Variants in ARHGEF37 observed in about 807,000 individuals in gnomAD.
ARHGEF37 encodes Rho guanine nucleotide exchange factor 37, also known as Rho guanine nucleotide exchange factor (GEF) 37.
Under a neutral mutation model 71.1 loss-of-function variants are expected in ARHGEF37, and 55 were observed. That is an observed-to-expected ratio of 0.77 (90% CI 0.62 to 0.97). ARHGEF37 has a LOEUF of 0.97. ARHGEF37 is among the 50% of genes least tolerant of loss of function. ARHGEF37 has a pLI of 0.00. For synonymous variants in ARHGEF37, 327 were observed against 350.6 expected (o/e 0.93, Z 0.75); for missense variants, 765 against 836.8 (o/e 0.91, Z 1.06).
In ARHGEF37 at chr5:149,619,009, G is replaced by A. The variant is rs751293426; in HGVS notation, c.861G>A (p.Lys287=). 1 of 1,614,210 alleles carries A rather than the reference G, an allele frequency of 6.2e-7. No individual in the cohort carries two copies. The highest frequency in any genetic ancestry group is 1.1e-5 in the South Asian group (1 of 91,088). The change falls in exon 7 of 13, where the codon AAG becomes AAA. Residue 287 remains lysine (K), a synonymous_variant. Coordinates refer to ENST00000333677, the MANE Select transcript of ARHGEF37 (RefSeq NM_001001669.3). Reference sequence around the variant, plus strand: ...TGTCTCTGTGTGTGACTGAGCTGAAGAACAACGTGGCTGCTTACCTGGACA... The same window carrying A: ...TGTCTCTGTGTGTGACTGAGCTGAAAAACAACGTGGCTGCTTACCTGGACA... The part of the protein sequence containing the change: ...QWVSLCVTEL[K]NNVAAYLDNL...
chr5:149,593,910 G>A (rs1233066609), intron 1 of ARHGEF37, among the ~76,000 whole-genome samples: 1 of 152,124 alleles, frequency 6.6e-6, no homozygotes, highest in Non-Finnish European at 1.5e-5. Context: ...AACCCATGCT[G>A]TTCAAGGGTC....
chr5:149,590,214 C>T (rs1417545022), intron 1 of ARHGEF37, among the ~76,000 whole-genome samples: 2 of 151,896 alleles, frequency 1.3e-5, no homozygotes, highest in African/African-American at 4.8e-5. Context: ...AGAATTAACT[C>T]AGTTTTATTC....
chr5:149,589,126 G>A (rs1763322824), intron 1 of ARHGEF37, among the ~76,000 whole-genome samples: 1 of 151,998 alleles, frequency 6.6e-6, no homozygotes, highest in African/African-American at 2.4e-5. Flanking sequence ...CTATGTGGGA[G>A]GATTGCTTGA....
At chr5:149,563,813 T>C (rs868230794) in intron 1 of ARHGEF37, among the ~76,000 whole-genome samples, 2 of 152,162 alleles carry the variant, frequency 1.3e-5, no homozygotes, top group Admixed American at 1.3e-4. Flanking sequence ...AGATGTGTCA[T>C]AGGAAACAGA....
At chr5:149,622,687 C>T (rs747504324) in intron 9 of ARHGEF37, among the ~76,000 whole-genome samples, 2 of 152,222 alleles carry the variant, frequency 1.3e-5, no homozygotes, top group Non-Finnish European at 2.9e-5. Flanking sequence ...AACCACAACA[C>T]TCAAGAGCCT....
At chr5:149,584,849 T>C (rs1763191422) in intron 1 of ARHGEF37, among the ~76,000 whole-genome samples, 1 of 152,186 alleles carries the variant, frequency 6.6e-6, no homozygotes, top group Non-Finnish European at 1.5e-5. Context: ...CTTGAACTCC[T>C]GAGCTCAGAT....
chr5:149,618,872 AACACTGAAGCCGGTGT>A lies in ARHGEF37; in HGVS notation c.790-59_790-44del. ...AAAGGTTGTCCCAGTGAGGACCTGG[AACACTGAAGCCGGTGT>A]ACACTGCCCCCATGTGGATATTCTC... On this transcript the variant is annotated intron_variant, in intron 6 of 12. Coordinates refer to ENST00000333677, the MANE Select transcript of ARHGEF37 (RefSeq NM_001001669.3). The A allele has an allele frequency of 2.3e-6, 3 of 1,327,410 alleles. No individual in the cohort carries two copies. In the South Asian group the frequency reaches 3.6e-5, roughly 16 times the overall value. 82.2% of individuals were successfully genotyped at this position (1,327,410 alleles called of 1,614,324 possible).
rs9324624 is a variant in ARHGEF37, at chr5:149,627,077, C to T, written c.1466C>T (p.Pro489Leu). ...EKVQPPPTTQ[P>L]LLPGSERQVQ... ...CTGTCTGTGCTCCTCCTCTCCCAGCCGCTCCTTCCAGGGTCTGAACGCCAG... is the reference window on the plus strand; with the variant it reads ...CTGTCTGTGCTCCTCCTCTCCCAGCTGCTCCTTCCAGGGTCTGAACGCCAG... The change falls in exon 11 of 13, where the codon CCG becomes CTG. Residue 489 changes from proline to leucine, a missense_variant and splice_region_variant. By Grantham distance (98) the Pro-to-Leu change is moderately conservative. This residue lies in a region of ARHGEF37 where 390 missense variants were observed against 407.4 expected (regional missense o/e 0.96). Coordinates refer to ENST00000333677, the MANE Select transcript of ARHGEF37 (RefSeq NM_001001669.3). 729,895 of 1,608,280 alleles carry T rather than the reference C, an allele frequency of 0.45. 169,919 individuals carry two copies. The highest frequency in any genetic ancestry group is 0.48 in the African/African-American group (36,096 of 74,804).
At chr5:149,586,854 T>G (rs1425498882) in intron 1 of ARHGEF37, among the ~76,000 whole-genome samples, 2 of 152,170 alleles carry the variant, frequency 1.3e-5, no homozygotes, top group Non-Finnish European at 2.9e-5. Flanking sequence ...TGTAAGTATG[T>G]CACAAGAGAC....
At chr5:149,614,286 T>C (rs1356400376) in intron 4 of ARHGEF37, among the ~76,000 whole-genome samples, 1 of 152,036 alleles carries the variant, frequency 6.6e-6, no homozygotes, top group African/African-American at 2.4e-5. Flanking sequence ...TTTGTACCCT[T>C]TACAAATTGC....
chr5:149,616,530 T>G (rs781113372), intron 4 of ARHGEF37, 37 bp from the exon 5 acceptor site: 2 of 1,561,380 alleles, frequency 1.3e-6, no homozygotes, highest in East Asian at 4.5e-5. Flanking sequence ...CTCCAGAGGG[T>G]GGGATTTACC....
Position 149,620,438 on chromosome 5 carries a change from C to A in ARHGEF37, c.979C>A (p.Leu327Ile). Residue 327 changes from leucine to isoleucine, a missense_variant, in exon 8 of 13, where the codon CTT becomes ATT. Around this residue, in one of 5 missense-constraint regions of ARHGEF37, gnomAD observed 167 missense variants for 173.3 expected, o/e 0.96. Coordinates refer to ENST00000333677, the MANE Select transcript of ARHGEF37 (RefSeq NM_001001669.3). ...AVQYCNLARDLHLEAFLKFKQ... is the reference protein window; with the variant it reads ...AVQYCNLARDIHLEAFLKFKQ... ...GCAGTATTGCAATTTGGCAAGAGAC[C>A]TTCACCTTGAGGCCTTCCTGAAATT... The A allele has an allele frequency of 1.2e-6, 2 of 1,611,942 alleles. No homozygotes were observed. The highest frequency in any genetic ancestry group is 1.7e-6 in the Non-Finnish European group (2 of 1,179,098).
intron 7 of ARHGEF37, among the ~76,000 whole-genome samples, chr5:149,619,324 A>G (rs966516214): frequency 6.6e-6 from 1 of 152,218 alleles, no homozygotes; most frequent in South Asian, 2.1e-4. Flanking sequence ...CAGCACCTAG[A>G]GCAGGGGAGA....
At chr5:149,567,449 T>C (rs1762910859) in intron 1 of ARHGEF37, among the ~76,000 whole-genome samples, 1 of 152,236 alleles carries the variant, frequency 6.6e-6, no homozygotes, top group African/African-American at 2.4e-5. Context: ...GCAAGGTATT[T>C]TGAGACTACA....
chr5:149,607,979 A>G (rs1763964530), intron 3 of ARHGEF37, among the ~76,000 whole-genome samples: 1 of 152,054 alleles, frequency 6.6e-6, no homozygotes, highest in East Asian at 1.9e-4. Context: ...TGTGTTAGCC[A>G]GGATGGTCTC....
At chr5:149,623,097 C>T (rs1752590123) in intron 9 of ARHGEF37, among the ~76,000 whole-genome samples, 1 of 152,188 alleles carries the variant, frequency 6.6e-6, no homozygotes, top group African/African-American at 2.4e-5. Context: ...GAATGCCCCT[C>T]TCCATTGTCC....
rs1561790080 is a variant in ARHGEF37 at position 149,587,894 on chromosome 5, C to CCTTTTTT, written c.-12+6270_-12+6271insCTTTTTT. Reference sequence around the variant, plus strand: ...TCTGTAGGTCTTCCCTCCCTTTAGTCTTTTTTTTTTTTTTTTTTTGGAGAC... The same window carrying CCTTTTTT: ...TCTGTAGGTCTTCCCTCCCTTTAGTCCTTTTTTTTTTTTTTTTTTTTTTTTTGGAGAC... On this transcript the variant is annotated intron_variant, in intron 1 of 12. Transcript: ENST00000333677. 3.1e-5 allele frequency among the ~76,000 whole-genome samples: 4 copies of CCTTTTTT among 129,164 alleles called. 1 individual carries two copies. Among genetic ancestry groups the CCTTTTTT allele is most frequent in the Admixed American group, 1.6e-4 (2 of 12,704 alleles). 84.7% of individuals were successfully genotyped at this position (129,164 alleles called of 152,430 possible).
At chr5:149,601,288 C>A in intron 3 of ARHGEF37, 57 bp downstream of exon 3, 2 of 1,568,702 alleles carry the variant, frequency 1.3e-6, no homozygotes, top group Non-Finnish European at 1.7e-6. Flanking sequence ...CTGTTCTCAG[C>A]GAGTGGTCAC....
chr5:149,571,486 A>C (rs1237168606), intron 1 of ARHGEF37, among the ~76,000 whole-genome samples: 1 of 152,210 alleles, frequency 6.6e-6, no homozygotes, highest in Non-Finnish European at 1.5e-5. Context: ...AAATTAAAGA[A>C]GACCTACGTA....
Sources: gnomAD v4.1 joint callset for allele counts (sites outside exome capture counted in the v4.1 genomes callset) on GRCh38, gnomAD v4.1.1 for gene constraint, gnomAD v4.1.1 regional missense constraint, MANE v1.5 for transcripts, NCBI Gene and HGNC (gene_info 2026-07-23, HGNC 2026-07-21) for gene names.